Variants in PMFBP1 observed in about 807,000 individuals in gnomAD.
PMFBP1 encodes polyamine modulated factor 1 binding protein 1.
In PMFBP1, 131 loss-of-function variants were observed where a neutral mutation model predicts 137.8. The ratio of observed to expected loss-of-function variants is 0.95; its 90% confidence interval spans 0.82 to 1.10. The LOEUF is 1.10. Ranked by LOEUF, PMFBP1 falls within the 50% of genes least tolerant of loss-of-function variation. PMFBP1 has a pLI of 0.00. For missense variants in PMFBP1, 1,199 were observed against 1,175.4 expected (o/e 1.02, Z -0.29); for synonymous variants, 490 against 450.4 (o/e 1.09, Z -1.11).
At chr16:72,183,678 G>A in the PMFBP1 span, among the ~76,000 whole-genome samples, 1 of 151,994 alleles carries the variant, frequency 6.6e-6, no homozygotes, top group Non-Finnish European at 1.5e-5. Flanking sequence ...CATATGAATT[G>A]GGGTGGGGGC....
At chr16:72,171,301 G>T in intron 1 of PMFBP1, 33 bp from the exon 2 acceptor site, 2 of 1,377,228 alleles carry the variant, frequency 1.5e-6, no homozygotes, top group South Asian at 2.3e-5. Flanking sequence ...GATGGAAAAA[G>T]TATAAATGAG....
the PMFBP1 span, among the ~76,000 whole-genome samples, chr16:72,220,001 C>T: frequency 6.6e-6 from 1 of 152,100 alleles, no homozygotes; most frequent in Non-Finnish European, 1.5e-5. Flanking sequence ...TTTAAAATGC[C>T]AGCTTAGCGA....
chr16:72,217,515 A>G, the PMFBP1 span, among the ~76,000 whole-genome samples: 1 of 152,224 alleles, frequency 6.6e-6, no homozygotes, highest in African/African-American at 2.4e-5. Flanking sequence ...TACAGACACA[A>G]CATGCTTTTA....
At position 72,164,757 on chromosome 16, in the gene PMFBP1, C is replaced by G; in HGVS notation, c.165+7G>C. On this transcript the variant is annotated splice_region_variant and intron_variant, in intron 3 of 20. Transcript: ENST00000237353. ...CAGGGGTGAGCGGCTGCTGCCAAGT[C>G]CCTTACGTGGCTGCTGTTCATTGCC... is the stretch of plus-strand genomic sequence containing the variant. The G allele has an allele frequency of 1.9e-6, 3 of 1,583,624 alleles. No homozygotes were observed. The highest frequency in any genetic ancestry group is 2.6e-6 in the Non-Finnish European group (3 of 1,158,474).
rs973595794 is a variant in PMFBP1, at chr16:72,147,324, C to T, written c.636+3284G>A. ...GCTGGGAAAACTGGCTAGCCATATG[C>T]AGAAAGCTGAAACTGGATCCCTTCC... On this transcript the variant is annotated intron_variant, in intron 5 of 20. Transcript: ENST00000237353. 2.0e-5 allele frequency among the ~76,000 whole-genome samples: 3 copies of T among 152,128 alleles called. No homozygotes were observed. In the East Asian group the frequency reaches 5.8e-4, roughly 29 times the overall value.
the PMFBP1 span, among the ~76,000 whole-genome samples, chr16:72,192,507 A>G: frequency 1.3e-5 from 2 of 152,216 alleles, no homozygotes; most frequent in Non-Finnish European, 2.9e-5. Context: ...AGTCCTTAAA[A>G]AAATACAATG....
chr16:72,229,298 T>G, the PMFBP1 span, among the ~76,000 whole-genome samples: 74 of 152,340 alleles, frequency 4.9e-4, no homozygotes, highest in African/African-American at 1.7e-3. Flanking sequence ...CTATTGTGAA[T>G]AGTGCTGTGA....
chr16:72,188,464 G>A, the PMFBP1 span, among the ~76,000 whole-genome samples: 1 of 152,086 alleles, frequency 6.6e-6, no homozygotes, highest in African/African-American at 2.4e-5. Context: ...GCATTACTTG[G>A]GAAAGTTTCT....
At chr16:72,183,468 C>T in the PMFBP1 span, among the ~76,000 whole-genome samples, 1 of 152,126 alleles carries the variant, frequency 6.6e-6, no homozygotes, top group African/African-American at 2.4e-5. Flanking sequence ...ACTCATCATC[C>T]CAGTCTCTGC....
upstream of PMFBP1, among the ~76,000 whole-genome samples, chr16:72,172,945 A>G (rs1407135347): frequency 6.6e-6 from 1 of 152,240 alleles, no homozygotes; most frequent in Non-Finnish European, 1.5e-5. Context: ...GAAGCACAGT[A>G]AAGTGAAGAG....
chr16:72,202,776 CCTTT>C, the PMFBP1 span, among the ~76,000 whole-genome samples: 47 of 152,222 alleles, frequency 3.1e-4, no homozygotes, highest in Non-Finnish European at 4.1e-4. Flanking sequence ...CAATCTCCTT[CCTTT>C]GTTTCCAAAT....
the PMFBP1 span, chr16:72,224,703 C>G: frequency 6.6e-6 from 1 of 152,368 alleles, no homozygotes; most frequent in Admixed American, 6.5e-5. Context: ...TCGCCTGCCT[C>G]AGAGAGAAGT....
chr16:72,164,863 C>G lies in PMFBP1; in HGVS notation c.66G>C (p.Leu22=). The G allele has an allele frequency of 6.2e-7, 1 of 1,609,560 alleles. No homozygotes were observed. The highest frequency in any genetic ancestry group is 1.1e-5 in the South Asian group (1 of 90,970). The change falls in exon 3 of 21, where the codon CTG becomes CTC. Residue 22 remains leucine (L), a synonymous_variant. Transcript: ENST00000237353. ...VSSLNSKLLS[L]QLDIKNLHDV... ...CGTGCAGATTCTTGATGTCAAGTTGCAGGCTTAACAGCTTGCTGTTCAGGC... is the reference window on the plus strand; with the variant it reads ...CGTGCAGATTCTTGATGTCAAGTTGGAGGCTTAACAGCTTGCTGTTCAGGC...
At chr16:72,238,685 A>G in the PMFBP1 span, among the ~76,000 whole-genome samples, 1 of 152,218 alleles carries the variant, frequency 6.6e-6, no homozygotes, top group Non-Finnish European at 1.5e-5. Flanking sequence ...TGTTTTGAGC[A>G]TATTTTCAGA....
intron 5 of PMFBP1, among the ~76,000 whole-genome samples, chr16:72,146,629 C>T (rs191260799): frequency 9.3e-4 from 142 of 152,286 alleles, no homozygotes; most frequent in East Asian, 6.8e-3. Context: ...AAAACCCCAT[C>T]GTCTCAGCCC....
the PMFBP1 span, among the ~76,000 whole-genome samples, chr16:72,213,626 T>A: frequency 6.6e-6 from 1 of 152,164 alleles, no homozygotes; most frequent in Non-Finnish European, 1.5e-5. Flanking sequence ...ACATCCTGAG[T>A]TAGAGGACCC....
chr16:72,237,488 TAAC>T, the PMFBP1 span, among the ~76,000 whole-genome samples: 1 of 152,180 alleles, frequency 6.6e-6, no homozygotes, highest in Non-Finnish European at 1.5e-5. Flanking sequence ...GTTGAAATCT[TAAC>T]AAGATGAAGT....
chr16:72,119,446 G>A, intron 20 of PMFBP1, 92 bp from the exon 21 acceptor site: 1 of 1,608,718 alleles, frequency 6.2e-7, no homozygotes, highest in Non-Finnish European at 8.5e-7. Context: ...AGGCAGCTCT[G>A]CTGCAGGGTG....
the PMFBP1 span, among the ~76,000 whole-genome samples, chr16:72,207,402 G>C: frequency 1.3e-5 from 2 of 152,160 alleles, no homozygotes; most frequent in Non-Finnish European, 2.9e-5. Flanking sequence ...GGATGGTTTT[G>C]AGAGAAACAA....
Sources: allele counts gnomAD v4.1 joint callset (sites outside exome capture counted in the v4.1 genomes callset), GRCh38; gene constraint gnomAD v4.1.1; transcripts MANE v1.5; gene names NCBI Gene and HGNC (gene_info 2026-07-23, HGNC 2026-07-21).